The following DPP10 variants were observed in gnomAD, a reference collection of about 807,000 sequenced individuals.
The protein encoded by DPP10 is dipeptidyl peptidase like 10, also known as inactive dipeptidyl peptidase 10.
DPP10 carries 33 observed loss-of-function variants against 120.9 expected under a neutral mutation model. The ratio of observed to expected loss-of-function variants is 0.27; its 90% CI spans 0.21 to 0.37. The LOEUF is 0.37. DPP10 is among the 10% of genes least tolerant of loss of function. The pLI is 1.00. For missense variants in DPP10, 816 were observed against 942.8 expected (o/e 0.87, Z 1.76); for synonymous variants, 337 against 326.1 (o/e 1.03, Z -0.36).
At chr2:115,784,238 G>C (rs939920710) in intron 17 of DPP10, among the ~76,000 whole-genome samples, 1 of 152,120 alleles carries the variant, frequency 6.6e-6, no homozygotes, top group Non-Finnish European at 1.5e-5. Context: ...ATAGTCAATG[G>C]CAAGTAAATC....
chr2:115,814,186 T>C (rs1462639113), intron 19 of DPP10, among the ~76,000 whole-genome samples: 1 of 152,230 alleles, frequency 6.6e-6, no homozygotes, highest in African/African-American at 2.4e-5. Context: ...TTCTTTCTGC[T>C]GTCAACTTTA....
At chr2:115,160,072 C>T (rs1473868171) in intron 1 of DPP10, among the ~76,000 whole-genome samples, 1 of 152,200 alleles carries the variant, frequency 6.6e-6, no homozygotes, top group African/African-American at 2.4e-5. Context: ...AAAAGAATTA[C>T]ATGTGAGGGA....
At chr2:115,022,265 TA>T (rs1703131785) in intron 1 of DPP10, among the ~76,000 whole-genome samples, 1 of 152,010 alleles carries the variant, frequency 6.6e-6, no homozygotes. Flanking sequence ...TAGAAAATCC[TA>T]AAGACTTGTA....
chr2:115,802,470 T>A (rs1172818754), intron 19 of DPP10, among the ~76,000 whole-genome samples: 2 of 152,216 alleles, frequency 1.3e-5, no homozygotes, highest in Admixed American at 6.5e-5. Flanking sequence ...TGCCTTCTGC[T>A]AGCTTTTGAA....
At chr2:115,694,534 T>A (rs72950183) in intron 7 of DPP10, among the ~76,000 whole-genome samples, 1 of 152,102 alleles carries the variant, frequency 6.6e-6, no homozygotes, top group African/African-American at 2.4e-5. Flanking sequence ...CCTGAAGCAA[T>A]AAAGAGTGCA....
Position 114,571,442 on chromosome 2 carries a change from G to A in DPP10, c.60+128604G>A, listed in dbSNP as rs561588111. On this transcript the variant is annotated intron_variant, in intron 1 of 25. Coordinates refer to ENST00000410059, the MANE Select transcript of DPP10 (RefSeq NM_020868.6). Reference sequence around the variant, plus strand: ...TGCTTCCTGGACAGCCTGTGGAACCGTGAGCCAATTAAACCTCTTTTTATA... The same window carrying A: ...TGCTTCCTGGACAGCCTGTGGAACCATGAGCCAATTAAACCTCTTTTTATA... 3.9e-4 allele frequency among the ~76,000 whole-genome samples: 60 copies of A among 152,220 alleles called. No individual in the cohort carries two copies. In the South Asian group the frequency reaches 0.01, roughly 26 times the overall value.
chr2:115,493,680 G>A (rs1221284029), intron 3 of DPP10, among the ~76,000 whole-genome samples: 2 of 152,158 alleles, frequency 1.3e-5, no homozygotes, highest in African/African-American at 4.8e-5. Flanking sequence ...CATCATCATT[G>A]TTACACACTA....
intron 1 of DPP10, among the ~76,000 whole-genome samples, chr2:115,022,778 G>A (rs1259575703): frequency 6.6e-6 from 1 of 152,064 alleles, no homozygotes; most frequent in Non-Finnish European, 1.5e-5. Flanking sequence ...CATCAAAACA[G>A]CATGGTACTT....
chr2:115,005,308 G>A (rs895132212), intron 1 of DPP10, among the ~76,000 whole-genome samples: 29 of 151,428 alleles, frequency 1.9e-4, no homozygotes, highest in African/African-American at 5.1e-4. Flanking sequence ...AAATCAGAGC[G>A]CCTCTCCTCC....
chr2:114,633,779 A>AT (rs959975047), intron 1 of DPP10, among the ~76,000 whole-genome samples: 10 of 151,180 alleles, frequency 6.6e-5, no homozygotes, highest in Non-Finnish European at 1.3e-4. Context: ...TGTCTGGCTA[A>AT]TTTTTTTGTA....
chr2:115,024,801 A>G (rs114717333), intron 1 of DPP10, among the ~76,000 whole-genome samples: 1,574 of 147,606 alleles, frequency 0.011, 8 homozygotes, highest in Middle Eastern at 0.039. Context: ...GTGTGTGTAT[A>G]CATATATATG....
intron 3 of DPP10, among the ~76,000 whole-genome samples, chr2:115,490,268 A>G (rs957674113): frequency 6.6e-6 from 1 of 152,168 alleles, no homozygotes; most frequent in African/African-American, 2.4e-5. Flanking sequence ...GGCAGAAGGT[A>G]CGTCTTCACA....
At chr2:115,229,128 G>A (rs893717961) in intron 1 of DPP10, among the ~76,000 whole-genome samples, 1 of 152,150 alleles carries the variant, frequency 6.6e-6, no homozygotes, top group East Asian at 1.9e-4. Flanking sequence ...CTGATGATCA[G>A]TGATGTTGAG....
At chr2:114,850,380 G>T (rs560849162) in intron 1 of DPP10, among the ~76,000 whole-genome samples, 56 of 152,172 alleles carry the variant, frequency 3.7e-4, no homozygotes, top group African/African-American at 9.9e-4. Context: ...GAGATAAACT[G>T]AGAGGTTATT....
chr2:115,085,685 A>G (rs1269472323), intron 1 of DPP10, among the ~76,000 whole-genome samples: 1 of 152,240 alleles, frequency 6.6e-6, no homozygotes, highest in African/African-American at 2.4e-5. Context: ...CCTCAGAAAA[A>G]GTATACATAT....
At chr2:115,329,477 T>C (rs182841786) in intron 2 of DPP10, among the ~76,000 whole-genome samples, 1 of 152,266 alleles carries the variant, frequency 6.6e-6, no homozygotes, top group East Asian at 1.9e-4. Context: ...AGGGTACATG[T>C]GCAAAACGTG....
chr2:114,991,332 T>C (rs2104928910), intron 1 of DPP10, among the ~76,000 whole-genome samples: 1 of 152,290 alleles, frequency 6.6e-6, no homozygotes, highest in South Asian at 2.1e-4. Context: ...ACCAGTAGTG[T>C]AAGGCATTGG....
intron 1 of DPP10, among the ~76,000 whole-genome samples, chr2:114,897,550 G>T (rs1693133321): frequency 6.6e-6 from 1 of 152,064 alleles, no homozygotes; most frequent in African/African-American, 2.4e-5. Context: ...TACCATCAGA[G>T]TGAACAGGCA....
At chr2:114,758,709 T>C (rs970539322) in intron 1 of DPP10, among the ~76,000 whole-genome samples, 25 of 152,218 alleles carry the variant, frequency 1.6e-4, no homozygotes, top group Admixed American at 1.4e-3. Context: ...AAATTAGAGA[T>C]GTCTTGCATA....
Sources: gnomAD v4.1 joint callset for allele counts (sites outside exome capture counted in the v4.1 genomes callset) on GRCh38, gnomAD v4.1.1 for gene constraint, MANE v1.5 for transcripts, NCBI Gene and HGNC (gene_info 2026-07-23, HGNC 2026-07-21) for gene names.